ACACA: variants seen among roughly 807,000 people sequenced by gnomAD.
ACACA encodes the protein acetyl-CoA carboxylase 1.
A neutral mutation model predicts 296.1 loss-of-function variants in ACACA; 103 were observed. The ratio of observed to expected loss-of-function variants is 0.35; its 90% CI spans 0.30 to 0.41. The LOEUF (loss-of-function observed/expected upper bound fraction) is 0.41. ACACA is among the 10% of genes least tolerant of loss of function. The pLI, the probability that ACACA is intolerant of heterozygous loss-of-function variation, is 1.00. For synonymous variants in ACACA, 953 were observed against 1,038.6 expected, an observed-to-expected ratio of 0.92 and a Z score of 1.58; for missense variants, 1,554 against 2,989.7, an observed-to-expected ratio of 0.52 and a Z score of 11.20.
chr17:37,335,460 A>C (rs547887377), intron 2 of ACACA, among the ~76,000 whole-genome samples: 2 of 152,060 alleles, frequency 1.3e-5, no homozygotes, highest in African/African-American at 4.8e-5. Context: ...TAGTCTGCCT[A>C]CCCTCAGGAA....
chr17:37,346,239 C>T (rs112990303), intron 1 of ACACA, among the ~76,000 whole-genome samples: 4 of 151,552 alleles, frequency 2.6e-5, no homozygotes, highest in South Asian at 2.1e-4. Context: ...ATCACTTGAA[C>T]CCAGGAGGCG....
In ACACA at chr17:37,283,316, T is replaced by C. The variant is rs1295707876; in HGVS notation, c.561A>G (p.Ala187=). 6.2e-7 allele frequency: 1 copy of C among 1,614,160 alleles called. No homozygotes were observed. The highest frequency in any genetic ancestry group is 1.1e-5 in the South Asian group (1 of 91,080). Residue 187 remains alanine (A), a synonymous_variant, in exon 5 of 56, where the codon GCA becomes GCG. Transcript: ENST00000616317. ...GTGTGACCATGACAACGAATCTAATTGCACGTTCATTTCGAAACATTTCAT... is the reference window on the plus strand; with the variant it reads ...GTGTGACCATGACAACGAATCTAATCGCACGTTCATTTCGAAACATTTCAT... ...WSYEMFRNER[A]IRFVVMVTPE...
At chr17:37,208,086 A>G (rs1051068534) in intron 30 of ACACA, among the ~76,000 whole-genome samples, 1 of 152,220 alleles carries the variant, frequency 6.6e-6, no homozygotes, top group Non-Finnish European at 1.5e-5. Context: ...CAATTACATT[A>G]TAAGATGTCC....
intron 1 of ACACA, among the ~76,000 whole-genome samples, chr17:37,366,035 G>A (rs73984214): frequency 0.032 from 4,941 of 152,198 alleles, 227 homozygotes; most frequent in African/African-American, 0.1. Context: ...TTAAAAACAG[G>A]AAAATGGACA....
intron 1 of ACACA, chr17:37,345,356 G>GGAT (rs1480273187): frequency 1.3e-5 from 2 of 152,106 alleles, no homozygotes; most frequent in African/African-American, 4.8e-5. Flanking sequence ...CCAGCCTAGA[G>GGAT]GATCCTTCTT....
intron 29 of ACACA, among the ~76,000 whole-genome samples, chr17:37,218,405 A>G (rs1033632762): frequency 6.6e-6 from 1 of 152,224 alleles, no homozygotes; most frequent in African/African-American, 2.4e-5. Flanking sequence ...GTTAAATAAG[A>G]TGTTATTTGA....
intron 39 of ACACA, among the ~76,000 whole-genome samples, chr17:37,185,651 C>T (rs1035983422): frequency 6.6e-6 from 1 of 151,960 alleles, no homozygotes; most frequent in African/African-American, 2.4e-5. Flanking sequence ...TCACTACAAC[C>T]TCCGCCTCCC....
At chr17:37,214,399 T>G (rs1361226994) in intron 29 of ACACA, among the ~76,000 whole-genome samples, 1 of 152,198 alleles carries the variant, frequency 6.6e-6, no homozygotes, top group Non-Finnish European at 1.5e-5. Flanking sequence ...AAGCCCCTTC[T>G]TTGCTCTGCT....
At position 37,406,259 on chromosome 17, in the gene ACACA, T is replaced by C; in HGVS notation, c.38+3A>G. ...AGCAGTAATAAGAGATCTTGGGACA[T>C]ACCTAGCCCTCAAGATTGACATCAG... On this transcript the variant is annotated splice_donor_region_variant and intron_variant, in intron 1 of 55. Transcript: ENST00000616317. 1.9e-6 allele frequency: 3 copies of C among 1,614,122 alleles called. No homozygotes were observed. The highest frequency in any genetic ancestry group is 2.5e-6 in the Non-Finnish European group (3 of 1,179,978).
chr17:37,265,957 G>T (rs1270307357), intron 10 of ACACA, among the ~76,000 whole-genome samples: 1 of 152,144 alleles, frequency 6.6e-6, no homozygotes, highest in African/African-American at 2.4e-5. Context: ...GGCCCTTTCA[G>T]TCCCTTGGTG....
intron 1 of ACACA, chr17:37,386,752 A>G (rs975672852): frequency 6.6e-6 from 1 of 152,202 alleles, no homozygotes; most frequent in Non-Finnish European, 1.5e-5. Context: ...TAACCACTGT[A>G]TGTATAGATG....
chr17:37,249,217 T>C (rs2080865359), intron 16 of ACACA, among the ~76,000 whole-genome samples: 1 of 152,236 alleles, frequency 6.6e-6, no homozygotes, highest in Non-Finnish European at 1.5e-5. Flanking sequence ...TGAATAATAC[T>C]GTATTGTATG....
chr17:37,136,044 G>A (rs1179899918), intron 45 of ACACA, among the ~76,000 whole-genome samples: 1 of 142,900 alleles, frequency 7.0e-6, no homozygotes, highest in Admixed American at 6.9e-5. Flanking sequence ...ACCATGCCCA[G>A]CCAATTTTTA....
At chr17:37,125,890 T>C (rs1165868587) in intron 47 of ACACA, 96 bp from the exon 48 acceptor site, 1 of 1,103,090 alleles carries the variant, frequency 9.1e-7, no homozygotes, top group Non-Finnish European at 1.4e-6. Context: ...GGGGGATTAT[T>C]TTGGGGAGTT....
At chr17:37,373,184 C>T (rs2049868438) in intron 1 of ACACA, among the ~76,000 whole-genome samples, 1 of 151,770 alleles carries the variant, frequency 6.6e-6, no homozygotes, top group African/African-American at 2.4e-5. Context: ...CGGCCTACTC[C>T]TGGATATTTT....
At chr17:37,125,926 G>A in intron 47 of ACACA, 132 bp from the exon 48 acceptor site, 1 of 757,700 alleles carries the variant, frequency 1.3e-6, no homozygotes, top group Non-Finnish European at 2.3e-6. Flanking sequence ...AATTATAATA[G>A]ATGGAAGCAT....
chr17:37,288,323 G>A (rs536886461), intron 3 of ACACA, among the ~76,000 whole-genome samples: 1 of 152,080 alleles, frequency 6.6e-6, no homozygotes, highest in East Asian at 1.9e-4. Flanking sequence ...CCAAGTCCAT[G>A]GATCATTATC....
At chr17:37,354,601 C>T (rs775410454) in intron 1 of ACACA, among the ~76,000 whole-genome samples, 3 of 152,054 alleles carry the variant, frequency 2.0e-5, no homozygotes, top group East Asian at 1.9e-4. Flanking sequence ...TAGATTCAAG[C>T]GAATACAGTA....
intron 1 of ACACA, among the ~76,000 whole-genome samples, chr17:37,398,492 G>C: frequency 1.4e-5 from 2 of 141,130 alleles, no homozygotes. Flanking sequence ...CTCCATATTG[G>C]TCAGGCTGTC....
Sources: gnomAD v4.1 joint callset for allele counts (sites outside exome capture counted in the v4.1 genomes callset) on GRCh38, gnomAD v4.1.1 for gene constraint, MANE v1.5 for transcripts, NCBI Gene and HGNC (gene_info 2026-07-23, HGNC 2026-07-21) for gene names.